Variants in ADAMTS6 observed in about 807,000 individuals in gnomAD.
ADAMTS6 encodes ADAM metallopeptidase with thrombospondin type 1 motif 6.
In ADAMTS6, 23 loss-of-function variants were observed where a neutral mutation model predicts 144.3. The observed-to-expected ratio is 0.16, with a 90% confidence interval of 0.11 to 0.23. The LOEUF (loss-of-function observed/expected upper bound fraction) is 0.23, where lower values mean the gene tolerates loss of function less well. Ranked by LOEUF, ADAMTS6 falls within the 10% of genes least tolerant of loss-of-function variation. ADAMTS6 has a pLI of 1.00. For synonymous variants in ADAMTS6, 444 were observed against 457.5 expected (o/e 0.97, Z 0.38); for missense variants, 999 against 1,379.6 (o/e 0.72, Z 4.37).
intron 9 of ADAMTS6, among the ~76,000 whole-genome samples, chr5:65,304,175 C>G (rs1743718198): frequency 6.6e-6 from 1 of 152,140 alleles, no homozygotes; most frequent in Non-Finnish European, 1.5e-5. Context: ...AGAATATATA[C>G]TTCTGTAATC....
intron 7 of ADAMTS6, among the ~76,000 whole-genome samples, chr5:65,403,420 A>C (rs1754111501): frequency 6.6e-6 from 1 of 152,118 alleles, no homozygotes; most frequent in African/African-American, 2.4e-5. Context: ...ATCCAGGCTC[A>C]TCAACAAGCA....
intron 7 of ADAMTS6, among the ~76,000 whole-genome samples, chr5:65,398,698 C>A (rs887703039): frequency 3.6e-5 from 5 of 139,170 alleles, no homozygotes; most frequent in African/African-American, 5.4e-5. Flanking sequence ...GATGACAGAG[C>A]GAGACTCTGT....
intron 24 of ADAMTS6, among the ~76,000 whole-genome samples, chr5:65,154,878 G>T (rs1295557446): frequency 6.6e-6 from 1 of 152,144 alleles, no homozygotes; most frequent in East Asian, 1.9e-4. Context: ...ACACATTTAC[G>T]CATTTAAGCA....
chr5:65,383,070 C>T (rs1484620018), intron 7 of ADAMTS6, among the ~76,000 whole-genome samples: 1 of 152,106 alleles, frequency 6.6e-6, no homozygotes, highest in African/African-American at 2.4e-5. Context: ...GCTCTCAGGA[C>T]CTAGTCACCT....
chr5:65,379,418 G>T (rs1004066769), intron 7 of ADAMTS6, among the ~76,000 whole-genome samples: 1 of 152,068 alleles, frequency 6.6e-6, no homozygotes, highest in African/African-American at 2.4e-5. Flanking sequence ...ATTAGCCCAG[G>T]GCTCTCATGA....
At position 65,268,454 on chromosome 5, in the gene ADAMTS6, C is replaced by T. The variant is rs1761799188; in HGVS notation, c.1620+4886G>A. On this transcript the variant is annotated intron_variant, in intron 12 of 24. Coordinates refer to ENST00000381055, the MANE Select transcript of ADAMTS6 (RefSeq NM_197941.4). ...ATTGCTCTGATTCCTGTCCAAAGGG[C>T]TATTGCTGATGCTGTATCCAAGGAA... 2.0e-5 allele frequency among the ~76,000 whole-genome samples: 3 copies of T among 152,110 alleles called. No individual in the cohort carries two copies. The South Asian group carries it at 6.2e-4, about 32-fold the overall frequency.
intron 9 of ADAMTS6, among the ~76,000 whole-genome samples, chr5:65,318,474 A>G (rs952172346): frequency 4.6e-5 from 7 of 152,180 alleles, no homozygotes. Flanking sequence ...TTTGGAAGCA[A>G]CCTAAGTGTC....
At chr5:65,398,826 AAG>A (rs1405070025) in intron 7 of ADAMTS6, among the ~76,000 whole-genome samples, 3 of 149,516 alleles carry the variant, frequency 2.0e-5, no homozygotes, top group South Asian at 2.1e-4. Flanking sequence ...GAAAGAAAGA[AAG>A]AAAGAAAGAA....
At chr5:65,170,817 T>C in intron 23 of ADAMTS6, 44 bp from the exon 24 acceptor site, 3 of 1,579,366 alleles carry the variant, frequency 1.9e-6, no homozygotes, top group South Asian at 2.3e-5. Context: ...ATCTCAACAA[T>C]TTTCAGGAGG....
chr5:65,450,026 T>C (rs1177250446), intron 7 of ADAMTS6, among the ~76,000 whole-genome samples: 1 of 152,244 alleles, frequency 6.6e-6, no homozygotes, highest in Admixed American at 6.5e-5. Context: ...GTTAGCTATA[T>C]ATAACAGATA....
At chr5:65,366,602 G>T (rs1051647276) in intron 7 of ADAMTS6, among the ~76,000 whole-genome samples, 3 of 152,106 alleles carry the variant, frequency 2.0e-5, no homozygotes, top group African/African-American at 7.2e-5. Flanking sequence ...ATCACATAGT[G>T]TGTTCATTAT....
rs1334791367 is a variant in ADAMTS6 at position 65,334,098 on chromosome 5, C to G, written c.1074-13G>C. ...GCAGATATCATATCTATGGAGAAAA[C>G]AGAGATGAAATTTGTAATCTGATCA... On this transcript the variant is annotated splice_polypyrimidine_tract_variant and intron_variant, in intron 7 of 24. Transcript: ENST00000381055. 1.4e-5 allele frequency: 20 copies of G among 1,413,494 alleles called. No individual in the cohort carries two copies. The highest frequency in any genetic ancestry group is 1.9e-5 in the Non-Finnish European group (20 of 1,079,954). The allele number at this position is 1,413,494 out of a possible 1,614,324, so 87.6% of individuals were successfully genotyped here. A position where few individuals can be genotyped will look rare whatever the true frequency, so the allele number is the denominator to read the frequency against.
At chr5:65,280,398 C>T (rs546110380) in intron 11 of ADAMTS6, among the ~76,000 whole-genome samples, 156 of 152,316 alleles carry the variant, frequency 1.0e-3, no homozygotes, top group Non-Finnish European at 2.0e-3. Flanking sequence ...ATCATCTGCC[C>T]TCATGGCTGC....
At chr5:65,246,785 T>A (rs1397571796) in intron 14 of ADAMTS6, among the ~76,000 whole-genome samples, 1 of 152,166 alleles carries the variant, frequency 6.6e-6, no homozygotes, top group Non-Finnish European at 1.5e-5. Flanking sequence ...CTAGAATACA[T>A]CAGCCAATAT....
intron 14 of ADAMTS6, among the ~76,000 whole-genome samples, chr5:65,256,953 G>A (rs1329235934): frequency 7.2e-6 from 1 of 139,214 alleles, no homozygotes; most frequent in Non-Finnish European, 1.5e-5. Context: ...ATAAATAAGG[G>A]TCACTTTTTC....
At chr5:65,457,583 G>C (rs973525975) in intron 4 of ADAMTS6, among the ~76,000 whole-genome samples, 2 of 152,050 alleles carry the variant, frequency 1.3e-5, no homozygotes, top group African/African-American at 4.8e-5. Flanking sequence ...AAAGGATTAA[G>C]AGATAAGCTT....
Position 65,186,733 on chromosome 5 carries a change from A to G in ADAMTS6, c.2910+1283T>C, listed in dbSNP as rs538126327. Among the ~76,000 whole-genome samples, 3 of 152,352 alleles carry G rather than the reference A, an allele frequency of 2.0e-5. No individual in the cohort carries two copies. The South Asian group carries it at 6.2e-4, about 32-fold the overall frequency. On this transcript the variant is annotated intron_variant, in intron 22 of 24. Coordinates refer to ENST00000381055, the MANE Select transcript of ADAMTS6 (RefSeq NM_197941.4). ...AGAATAATACCAAGGATATCTCTAC[A>G]TATGATTGAAATATATAACTAAAAA...
intron 17 of ADAMTS6, 51 bp from the exon 18 acceptor site, chr5:65,224,451 T>G: frequency 6.9e-7 from 1 of 1,459,746 alleles, no homozygotes. Context: ...AGGAAATGAG[T>G]ATTTGGTAAC....
intron 7 of ADAMTS6, among the ~76,000 whole-genome samples, chr5:65,441,955 T>C (rs764701209): frequency 3.3e-5 from 5 of 151,826 alleles, no homozygotes; most frequent in African/African-American, 7.3e-5. Flanking sequence ...GGGAATTTTC[T>C]AACACTAAAC....
Sources: allele counts gnomAD v4.1 joint callset (sites outside exome capture counted in the v4.1 genomes callset), GRCh38; gene constraint gnomAD v4.1.1; transcripts MANE v1.5; gene names NCBI Gene and HGNC (gene_info 2026-07-23, HGNC 2026-07-21).